Variants in TBC1D2 observed in about 807,000 individuals in gnomAD.
TBC1D2 encodes the protein TBC1 domain family member 2.
TBC1D2 carries 58 observed loss-of-function variants against 91.1 expected under a neutral mutation model. That is an observed-to-expected ratio of 0.64 (90% CI 0.52 to 0.79). TBC1D2 has a LOEUF of 0.79. Among genes scored for constraint, TBC1D2 ranks in the 30% least tolerant of loss-of-function variants. TBC1D2 has a pLI of 0.00. For synonymous variants in TBC1D2, 482 were observed against 511.5 expected (o/e 0.94, Z 0.78); for missense variants, 1,080 against 1,208.3 (o/e 0.89, Z 1.57).
At chr9:98,218,523 C>T (rs547145654) in intron 6 of TBC1D2, among the ~76,000 whole-genome samples, 4 of 152,020 alleles carry the variant, frequency 2.6e-5, no homozygotes, top group African/African-American at 4.8e-5. Context: ...GCCGAGACCG[C>T]GCCACTGCAC....
chr9:98,253,766 A>G (rs1410395158), intron 1 of TBC1D2, among the ~76,000 whole-genome samples: 1 of 152,040 alleles, frequency 6.6e-6, no homozygotes, highest in Non-Finnish European at 1.5e-5. Flanking sequence ...TCCTCCTGTC[A>G]CCACACCTTC....
chr9:98,223,172 C>T (rs990595951), intron 5 of TBC1D2, among the ~76,000 whole-genome samples: 1 of 152,210 alleles, frequency 6.6e-6, no homozygotes, highest in African/African-American at 2.4e-5. Context: ...TGACTTCTGT[C>T]TGGGGTGGAG....
rs1338076107 is a variant in TBC1D2 at position 98,199,411 on chromosome 9, G to A, written c.2757C>T (p.Ala919=). The change falls in exon 13 of 13, where the codon GCC becomes GCT. Residue 919 remains alanine (A), a synonymous_variant. Transcript: ENST00000465784. Reference sequence around the variant, plus strand: ...CTTCCCCCTCCACCTCGTCCTCGCTGGCACAGCCCTCGGACACAGCTCTGC... The same window carrying A: ...CTTCCCCCTCCACCTCGTCCTCGCTAGCACAGCCCTCGGACACAGCTCTGC... ...SRRRAVSEGC[A]SEDEVEGEA is the part of the protein sequence containing the mutation. 1 of 1,613,550 alleles carries A rather than the reference G, an allele frequency of 6.2e-7. No homozygotes were observed. Among genetic ancestry groups the A allele is most frequent in the Non-Finnish European group, 8.5e-7 (1 of 1,179,982 alleles).
chr9:98,245,525 C>T (rs1829746647), intron 2 of TBC1D2, among the ~76,000 whole-genome samples: 1 of 152,074 alleles, frequency 6.6e-6, no homozygotes, highest in Admixed American at 6.6e-5. Context: ...GGAGATGGTG[C>T]CACTGCATTC....
In TBC1D2 at chr9:98,209,140, A is replaced by G. The variant is rs1240167854; in HGVS notation, c.1678T>C (p.Tyr560His). ...ACCGTCAGGAAGCCGTACTCATCAT[A>G]CTTACTGCCAGCAAAAGTGCACGTT... ...DSIELSPISKYDEYGFLTVPD... is the reference protein window; with the variant it reads ...DSIELSPISKHDEYGFLTVPD... Residue 560 changes from tyrosine (Y) to histidine (H), a missense_variant, in exon 9 of 13, where the codon TAT (tyrosine) becomes CAT (histidine). Coordinates refer to ENST00000465784, the MANE Select transcript of TBC1D2 (RefSeq NM_001267571.2). 2 of 1,606,588 alleles carry G rather than the reference A, an allele frequency of 1.2e-6. No individual in the cohort carries two copies. Among genetic ancestry groups the G allele is most frequent in the Admixed American group, 1.7e-5 (1 of 59,900 alleles).
At chr9:98,245,494 G>A (rs1055451296) in intron 2 of TBC1D2, among the ~76,000 whole-genome samples, 2 of 152,118 alleles carry the variant, frequency 1.3e-5, no homozygotes, top group Admixed American at 1.3e-4. Context: ...TTGAGCCCAG[G>A]AGGTGGAGGT....
Position 98,244,073 on chromosome 9 carries a change from G to A in TBC1D2, c.568C>T (p.Leu190=), listed in dbSNP as rs761045146. Residue 190 remains leucine (L), a synonymous_variant, in exon 3 of 13, where the codon CTA becomes TTA. Coordinates refer to ENST00000465784, the MANE Select transcript of TBC1D2 (RefSeq NM_001267571.2). ...TGCAAGGCAGCTGCCACGCCCACTAGCCCAGGGGGTGTTTTCACAGGGCAC... is the reference window on the plus strand; with the variant it reads ...TGCAAGGCAGCTGCCACGCCCACTAACCCAGGGGGTGTTTTCACAGGGCAC... ...FLCPVKTPPG[L]VGVAAALQPF... 39 of 1,613,138 alleles carry A rather than the reference G, an allele frequency of 2.4e-5. No individual in the cohort carries two copies. Among genetic ancestry groups the A allele is most frequent in the Middle Eastern group, 1.6e-4 (1 of 6,062 alleles).
At chr9:98,230,203 C>T (rs997780118) in intron 4 of TBC1D2, among the ~76,000 whole-genome samples, 77 of 152,192 alleles carry the variant, frequency 5.1e-4, no homozygotes, top group African/African-American at 1.5e-3. Context: ...GAAGAAATTC[C>T]CTTCAGCCCT....
intron 8 of TBC1D2, among the ~76,000 whole-genome samples, chr9:98,209,409 A>G (rs1192855883): frequency 6.6e-6 from 1 of 152,186 alleles, no homozygotes; most frequent in Non-Finnish European, 1.5e-5. Flanking sequence ...CCTGGTACAC[A>G]GTAAATGCCC....
chr9:98,247,320 ACTCCGT>A (rs1829784144), intron 2 of TBC1D2, among the ~76,000 whole-genome samples: 1 of 140,688 alleles, frequency 7.1e-6, no homozygotes, highest in Non-Finnish European at 1.5e-5. Context: ...ACAGGGCGAG[ACTCCGT>A]CTCAAAAAAA....
intron 7 of TBC1D2, among the ~76,000 whole-genome samples, chr9:98,211,724 C>T (rs1828845764): frequency 6.6e-6 from 1 of 152,172 alleles, no homozygotes; most frequent in Non-Finnish European, 1.5e-5. Flanking sequence ...GTTCTTCTAC[C>T]TATCCCACCT....
intron 3 of TBC1D2, among the ~76,000 whole-genome samples, chr9:98,234,507 T>C (rs1829453622): frequency 6.6e-6 from 1 of 152,252 alleles, no homozygotes; most frequent in Non-Finnish European, 1.5e-5. Flanking sequence ...TGGTAGATTG[T>C]AAAATCAGTT....
chr9:98,234,459 C>G (rs948924971), intron 3 of TBC1D2, among the ~76,000 whole-genome samples: 1 of 152,214 alleles, frequency 6.6e-6, no homozygotes, highest in Middle Eastern at 3.2e-3. Flanking sequence ...AAGGAGTTCA[C>G]TAGGTCAGTG....
intron 3 of TBC1D2, 116 bp from the exon 4 acceptor site, chr9:98,233,665 C>G: frequency 6.7e-7 from 1 of 1,493,590 alleles, no homozygotes; most frequent in Non-Finnish European, 8.9e-7. Context: ...GTCATCCTGA[C>G]TGGTCTCCCA....
In TBC1D2 at chr9:98,208,964, G is replaced by A; in HGVS notation, c.1854C>T (p.Leu618=). Residue 618 remains leucine (L), a synonymous_variant, in exon 9 of 13, where the codon CTC becomes CTT. Transcript: ENST00000465784. ...ALGDLVPSAE[L]KQLLRAGVPR... ...GTACTCCTGCCCGCAGTAGCTGCTT[G>A]AGCTCGGCTGAGGGCACAAGATCGC... 6.2e-7 allele frequency: 1 copy of A among 1,614,114 alleles called. No individual in the cohort carries two copies. Among genetic ancestry groups the A allele is most frequent in the East Asian group, 2.2e-5 (1 of 44,874 alleles).
intron 2 of TBC1D2, among the ~76,000 whole-genome samples, chr9:98,245,222 A>G (rs554251569): frequency 1.3e-5 from 2 of 152,252 alleles, no homozygotes; most frequent in East Asian, 3.9e-4. Flanking sequence ...CCTGGGCGAC[A>G]GAGTGAGACT....
At chr9:98,238,883 C>T (rs1349996247) in intron 3 of TBC1D2, among the ~76,000 whole-genome samples, 2 of 150,640 alleles carry the variant, frequency 1.3e-5, no homozygotes, top group African/African-American at 2.5e-5. Context: ...CCACCATGGC[C>T]GGCTAATTTT....
intron 6 of TBC1D2, among the ~76,000 whole-genome samples, chr9:98,215,592 C>T (rs112646559): frequency 0.027 from 4,088 of 152,250 alleles, 192 homozygotes; most frequent in African/African-American, 0.093. Context: ...ATGGCAGCCT[C>T]GACCTCCTGG....
intron 4 of TBC1D2, among the ~76,000 whole-genome samples, chr9:98,229,858 T>C (rs1272115744): frequency 6.6e-6 from 1 of 152,232 alleles, no homozygotes; most frequent in Non-Finnish European, 1.5e-5. Context: ...TTATGTGCTG[T>C]CTATTGCTGC....
Sources: allele counts gnomAD v4.1 joint callset (sites outside exome capture counted in the v4.1 genomes callset), GRCh38; gene constraint gnomAD v4.1.1; transcripts MANE v1.5; gene names NCBI Gene and HGNC (gene_info 2026-07-23, HGNC 2026-07-21).